Variants in ATAD5 observed in about 807,000 individuals in gnomAD.
The protein encoded by ATAD5 is ATPase family AAA domain containing 5, also known as ATPase family AAA domain-containing protein 5.
A neutral mutation model predicts 176.9 loss-of-function variants in ATAD5; 58 were observed. The ratio of observed to expected loss-of-function variants is 0.33; its 90% CI spans 0.27 to 0.41. ATAD5 has a LOEUF of 0.41. Among genes scored for constraint, ATAD5 ranks in the 10% least tolerant of loss-of-function variants. The pLI, the probability that ATAD5 is intolerant of heterozygous loss-of-function variation, is 1.00. For synonymous variants in ATAD5, 640 were observed against 712.6 expected (o/e 0.90, Z 1.62); for missense variants, 1,789 against 2,094.1 (o/e 0.85, Z 2.84).
intron 17 of ATAD5, 22 bp from the exon 18 acceptor site, chr17:30,879,401 T>TG (rs544324881): frequency 3.1e-4 from 413 of 1,351,286 alleles, no homozygotes; most frequent in South Asian, 8.2e-4. Flanking sequence ...TTTTTTTTTT[T>TG]TGTGTGTGTG....
chr17:30,882,265 A>G (rs1195424217), intron 18 of ATAD5, among the ~76,000 whole-genome samples: 2 of 151,540 alleles, frequency 1.3e-5, no homozygotes, highest in Non-Finnish European at 2.9e-5. Flanking sequence ...TGAAAAAAAA[A>G]AAAATTGTCT....
Position 30,834,231 on chromosome 17 carries a change from A to G in ATAD5, c.150A>G (p.Arg50=). 1 of 1,613,208 alleles carries G rather than the reference A, an allele frequency of 6.2e-7. No homozygotes were observed. Among genetic ancestry groups the G allele is most frequent in the Non-Finnish European group, 8.5e-7 (1 of 1,179,742 alleles). Residue 50 remains arginine (R), a synonymous_variant, in exon 2 of 23, where the codon AGA becomes AGG. Coordinates refer to ENST00000321990, the MANE Select transcript of ATAD5 (RefSeq NM_024857.5). Reference sequence around the variant, plus strand: ...ATTTATCACCACTAGGGAAGACTAGAGACAGGGTTTTTGCTCCACCAAAAC... The same window carrying G: ...ATTTATCACCACTAGGGAAGACTAGGGACAGGGTTTTTGCTCCACCAAAAC... The part of the protein sequence containing the change: ...TKYLSPLGKT[R]DRVFAPPKPS...
chr17:30,850,524 C>T (rs981080175), intron 6 of ATAD5, among the ~76,000 whole-genome samples: 45 of 151,794 alleles, frequency 3.0e-4, no homozygotes, highest in African/African-American at 1.1e-3. Context: ...CCATGTCCAG[C>T]TAATTGTTTT....
At chr17:30,880,437 C>CAT (rs200298724) in intron 18 of ATAD5, among the ~76,000 whole-genome samples, 4,046 of 152,032 alleles carry the variant, frequency 0.027, 197 homozygotes, top group African/African-American at 0.092. Context: ...GGTAAAACCC[C>CAT]ATCTCTATTA....
intron 6 of ATAD5, among the ~76,000 whole-genome samples, chr17:30,847,251 G>T (rs967354704): frequency 1.3e-5 from 2 of 151,826 alleles, no homozygotes; most frequent in African/African-American, 4.8e-5. Context: ...TAGTTTCTTT[G>T]GCAAGGTAGC....
chr17:30,842,199 G>A (rs1444467194), intron 4 of ATAD5, among the ~76,000 whole-genome samples: 1 of 152,042 alleles, frequency 6.6e-6, no homozygotes, highest in Non-Finnish European at 1.5e-5. Flanking sequence ...AACCCGGGAG[G>A]CGGAGGTTGC....
intron 7 of ATAD5, 45 bp from the exon 8 acceptor site, chr17:30,856,910 G>A: frequency 6.8e-7 from 1 of 1,471,308 alleles, no homozygotes; most frequent in Non-Finnish European, 9.1e-7. Flanking sequence ...TAAATGGATA[G>A]TGTATAAATA....
chr17:30,885,623 CTTT>C (rs778733612), intron 18 of ATAD5, among the ~76,000 whole-genome samples: 39 of 93,790 alleles, frequency 4.2e-4, no homozygotes, highest in Admixed American at 2.8e-4. Flanking sequence ...TTCCAACTTT[CTTT>C]TTTTTTTTTT....
At chr17:30,841,806 ATTTCT>A (rs1264746802) in intron 4 of ATAD5, among the ~76,000 whole-genome samples, 9 of 152,202 alleles carry the variant, frequency 5.9e-5, no homozygotes, top group Middle Eastern at 3.4e-3. Flanking sequence ...CAGCCTCAGT[ATTTCT>A]TTTCTTTCTG....
chr17:30,859,608 G>C (rs1297219999), intron 9 of ATAD5, among the ~76,000 whole-genome samples: 1 of 151,820 alleles, frequency 6.6e-6, no homozygotes, highest in Non-Finnish European at 1.5e-5. Context: ...TGATTCACTC[G>C]CCTCAGCCTC....
rs544916494 is a variant in ATAD5, at chr17:30,892,813, T to C, written c.4440+25T>C. ...GGTATTTTCAATGTCTGTTTTGCAA[T>C]GTTGAATTTATATTCCTTTTCATAT... On this transcript the variant is annotated intron_variant, in intron 20 of 22. Transcript: ENST00000321990. The C allele has an allele frequency of 3.4e-6, 5 of 1,490,136 alleles. No homozygotes were observed. In the East Asian group the frequency reaches 9.4e-5, roughly 28 times the overall value. The allele number at this position is 1,490,136 out of a possible 1,614,324, so 92.3% of individuals were successfully genotyped here.
chr17:30,891,158 T>G (rs577380600), intron 19 of ATAD5, among the ~76,000 whole-genome samples: 1 of 152,244 alleles, frequency 6.6e-6, no homozygotes, highest in Non-Finnish European at 1.5e-5. Context: ...TACATTTTGA[T>G]AGTTGTTGTC....
rs375473088 is a variant in ATAD5, at chr17:30,879,390, A to ATTT, written c.4013-23_4013-21dup. On this transcript the variant is annotated intron_variant, in intron 17 of 22. Coordinates refer to ENST00000321990, the MANE Select transcript of ATAD5 (RefSeq NM_024857.5). ...TATTTATTGGTCTTAGTGTTTAAGA[A>ATTT]TTTTTTTTTTTTGTGTGTGTGTGTG... 1.1e-5 allele frequency: 13 copies of ATTT among 1,210,662 alleles called. No individual in the cohort carries two copies. The highest frequency in any genetic ancestry group is 7.9e-5 in the African/African-American group (5 of 63,528). The allele number at this position is 1,210,662 out of a possible 1,614,324, so 75.0% of individuals were successfully genotyped here.
At chr17:30,839,391 C>T (rs1262415726) in intron 3 of ATAD5, among the ~76,000 whole-genome samples, 2 of 151,096 alleles carry the variant, frequency 1.3e-5, no homozygotes, top group African/African-American at 4.9e-5. Flanking sequence ...ATTCTCCTGC[C>T]TTAGCCTCCT....
At chr17:30,857,742 A>ATTTT (rs56075512) in intron 8 of ATAD5, among the ~76,000 whole-genome samples, 11,491 of 138,052 alleles carry the variant, frequency 0.083, 582 homozygotes, top group South Asian at 0.22. Flanking sequence ...GACTAAAGCT[A>ATTTT]TTTTTTTTTT....
At chr17:30,876,709 T>A (rs1460744229) in intron 15 of ATAD5, among the ~76,000 whole-genome samples, 159 bp downstream of exon 15, 1 of 101,908 alleles carries the variant, frequency 9.8e-6, no homozygotes, top group African/African-American at 4.0e-5. Flanking sequence ...TTCCTTTTTT[T>A]TTTTTTTTTT....
intron 10 of ATAD5, among the ~76,000 whole-genome samples, chr17:30,861,629 A>G (rs1301126227): frequency 1.3e-5 from 2 of 151,884 alleles, no homozygotes; most frequent in Admixed American, 6.6e-5. Flanking sequence ...CTCCTGCCTC[A>G]GCCTCCTCAG....
chr17:30,849,348 C>T (rs146954905), intron 6 of ATAD5, among the ~76,000 whole-genome samples: 71 of 152,302 alleles, frequency 4.7e-4, no homozygotes, highest in Non-Finnish European at 9.0e-4. Context: ...CTTCCTTCCT[C>T]AGTCTCCTGA....
chr17:30,845,871 T>C (rs1906463735), intron 6 of ATAD5, among the ~76,000 whole-genome samples: 1 of 152,120 alleles, frequency 6.6e-6, no homozygotes, highest in Non-Finnish European at 1.5e-5. Context: ...TTAATGAGAT[T>C]TGTGGGAGTG....
Sources: gnomAD v4.1 joint callset for allele counts (sites outside exome capture counted in the v4.1 genomes callset) on GRCh38, gnomAD v4.1.1 for gene constraint, MANE v1.5 for transcripts, NCBI Gene and HGNC (gene_info 2026-07-23, HGNC 2026-07-21) for gene names.